OR2L13: variants seen among roughly 807,000 people sequenced by gnomAD.
OR2L13 encodes olfactory receptor 2L13.
Under a neutral mutation model 15.3 loss-of-function variants are expected in OR2L13, and 14 were observed. The observed-to-expected ratio is 0.91, with a 90% confidence interval of 0.60 to 1.43. The LOEUF (loss-of-function observed/expected upper bound fraction) is 1.43. Among genes scored for constraint, OR2L13 ranks in the 40% most tolerant of loss-of-function variants. The pLI is 0.00. For synonymous variants in OR2L13, 152 were observed against 142.9 expected, an observed-to-expected ratio of 1.06 and a Z score of -0.45; for missense variants, 367 against 387.9, an observed-to-expected ratio of 0.95 and a Z score of 0.45.
At chr1:248,049,054 A>G in the OR2L13 span, among the ~76,000 whole-genome samples, 25 of 152,084 alleles carry the variant, frequency 1.6e-4, no homozygotes, top group African/African-American at 5.8e-4. Context: ...ATCAAAGGTG[A>G]GGAAAATATA....
chr1:247,991,022 C>T, the OR2L13 span: 21 of 1,532,622 alleles, frequency 1.4e-5, no homozygotes, highest in Non-Finnish European at 1.8e-5. Flanking sequence ...TTCTACTATG[C>T]ACCCTTTGCT....
chr1:247,977,348 A>G, the OR2L13 span, among the ~76,000 whole-genome samples: 2 of 152,306 alleles, frequency 1.3e-5, no homozygotes, highest in East Asian at 3.9e-4. Context: ...GGAAAATGAA[A>G]TCTTTTCTAT....
At chr1:247,945,546 G>T in the OR2L13 span, among the ~76,000 whole-genome samples, 1 of 152,136 alleles carries the variant, frequency 6.6e-6, no homozygotes, top group African/African-American at 2.4e-5. Context: ...TTCAAGTCCT[G>T]AATATCTTTG....
the OR2L13 span, among the ~76,000 whole-genome samples, chr1:248,050,451 C>T: frequency 6.6e-6 from 1 of 152,134 alleles, no homozygotes; most frequent in African/African-American, 2.4e-5. Flanking sequence ...GCTTTCCTGT[C>T]AGGAACCAGC....
the OR2L13 span, among the ~76,000 whole-genome samples, chr1:247,970,925 A>G: frequency 6.6e-6 from 1 of 152,150 alleles, no homozygotes; most frequent in Admixed American, 6.6e-5. Context: ...CATTCTTCCT[A>G]TGTATTTAAC....
chr1:248,086,990 G>C, the OR2L13 span, among the ~76,000 whole-genome samples: 1 of 151,940 alleles, frequency 6.6e-6, no homozygotes, highest in Non-Finnish European at 1.5e-5. Context: ...CCTTTCTGAA[G>C]CTGGTAGGTA....
the OR2L13 span, among the ~76,000 whole-genome samples, chr1:248,016,721 T>G: frequency 6.6e-6 from 1 of 151,932 alleles, no homozygotes; most frequent in African/African-American, 2.4e-5. Context: ...TGTATATTTA[T>G]ATATGTAACA....
chr1:248,022,573 C>T, the OR2L13 span: 2 of 1,614,140 alleles, frequency 1.2e-6, no homozygotes, highest in South Asian at 2.2e-5. Context: ...CTTGTGTTTC[C>T]CTTCACTGGC....
At chr1:248,008,845 C>G in the OR2L13 span, among the ~76,000 whole-genome samples, 1 of 152,044 alleles carries the variant, frequency 6.6e-6, no homozygotes, top group Non-Finnish European at 1.5e-5. Flanking sequence ...GTCCCTCAGA[C>G]CACAGTGCAA....
the OR2L13 span, among the ~76,000 whole-genome samples, chr1:248,033,391 T>C: frequency 6.6e-6 from 1 of 152,146 alleles, no homozygotes; most frequent in Non-Finnish European, 1.5e-5. Flanking sequence ...TTGCTGTGTA[T>C]ATGACAGTCT....
chr1:247,942,653 AT>A, the OR2L13 span, among the ~76,000 whole-genome samples: 1 of 152,282 alleles, frequency 6.6e-6, no homozygotes, highest in East Asian at 1.9e-4. Flanking sequence ...ACCTGCCAAA[AT>A]TTTTAAAAAA....
the OR2L13 span, chr1:248,029,188 C>T: frequency 6.6e-6 from 1 of 152,260 alleles, no homozygotes; most frequent in African/African-American, 2.4e-5. Flanking sequence ...TTGGTTTCTT[C>T]TCCACTCCCA....
At chr1:248,029,746 T>G in the OR2L13 span, among the ~76,000 whole-genome samples, 1 of 152,204 alleles carries the variant, frequency 6.6e-6, no homozygotes, top group African/African-American at 2.4e-5. Context: ...GCAGATTCAT[T>G]ATTACTGTGG....
At chr1:248,001,531 T>TA in the OR2L13 span, among the ~76,000 whole-genome samples, 2 of 151,158 alleles carry the variant, frequency 1.3e-5, no homozygotes, top group African/African-American at 4.9e-5. Flanking sequence ...TTTCTGTAAA[T>TA]AAAAAAATAA....
At chr1:248,020,382 A>G in the OR2L13 span, among the ~76,000 whole-genome samples, 1 of 152,198 alleles carries the variant, frequency 6.6e-6, no homozygotes, top group East Asian at 1.9e-4. Flanking sequence ...GCCAAGTTTC[A>G]TGACACAAAA....
At chr1:248,043,790 C>T in the OR2L13 span, among the ~76,000 whole-genome samples, 4 of 151,962 alleles carry the variant, frequency 2.6e-5, no homozygotes, top group Non-Finnish European at 4.4e-5. Context: ...AAGAGGAGGA[C>T]GTGTCCACCC....
the OR2L13 span, among the ~76,000 whole-genome samples, chr1:247,950,410 G>A: frequency 3.4e-3 from 523 of 152,228 alleles, 2 homozygotes; most frequent in African/African-American, 0.011. Flanking sequence ...TTTAACATCA[G>A]GTAAATTTTA....
chr1:248,078,964 G>GGA, the OR2L13 span, among the ~76,000 whole-genome samples: 1 of 152,092 alleles, frequency 6.6e-6, no homozygotes, highest in South Asian at 2.1e-4. Flanking sequence ...GTCTCCAGAC[G>GGA]TTAGGAGGTT....
At chr1:247,987,864 A>G in the OR2L13 span, among the ~76,000 whole-genome samples, 1 of 152,092 alleles carries the variant, frequency 6.6e-6, no homozygotes, top group African/African-American at 2.4e-5. Flanking sequence ...GGGGTTGACA[A>G]CATCATCTCA....
Sources: gnomAD v4.1 joint callset for allele counts (sites outside exome capture counted in the v4.1 genomes callset) on GRCh38, gnomAD v4.1.1 for gene constraint, MANE v1.5 for transcripts, NCBI Gene and HGNC (gene_info 2026-07-23, HGNC 2026-07-21) for gene names.